SEC14L5: variants seen among roughly 807,000 people sequenced by gnomAD.
SEC14L5 encodes SEC14 like lipid binding 5, also known as SEC14-like protein 5.
A neutral mutation model predicts 84.6 loss-of-function variants in SEC14L5; 96 were observed. That is an observed-to-expected ratio of 1.13 (90% CI 0.96 to 1.34). The LOEUF (loss-of-function observed/expected upper bound fraction) is 1.34, where lower values mean the gene tolerates loss of function less well. Ranked by LOEUF, SEC14L5 falls within the 40% of genes most tolerant of loss-of-function variation. The probability of loss-of-function intolerance (pLI) is 0.00; values close to 1 mark genes in which losing one functional copy is unlikely to be tolerated. For synonymous variants in SEC14L5, 546 were observed against 383.4 expected, an observed-to-expected ratio of 1.42 and a Z score of -4.95; for missense variants, 1,224 against 942.5, an observed-to-expected ratio of 1.30 and a Z score of -3.91.
At position 5,018,314 on chromosome 16, in the gene SEC14L5, AAGT is replaced by A. The variant is rs1955896914; in HGVS notation, c.*3347_*3349del. 1 of 152,196 alleles carries A rather than the reference AAGT, an allele frequency of 6.6e-6. No individual in the cohort carries two copies. The highest frequency in any genetic ancestry group is 1.5e-5 in the Non-Finnish European group (1 of 68,044). 9.4% of individuals were successfully genotyped at this position (152,196 alleles called of 1,614,324 possible). On this transcript the variant is annotated 3_prime_UTR_variant, in exon 16 of 16. Transcript: ENST00000251170. ...GTTTTTCGTTATTGCACCCAGAGAA[AAGT>A]AGGTGTCAAGAATTATTGCCCTCTG...
In SEC14L5 at chr16:5,007,586, TTTTCTTTC is replaced by T. The variant is rs1203201367; in HGVS notation, c.1572+116_1572+123del. On this transcript the variant is annotated intron_variant, in intron 13 of 15. Coordinates refer to ENST00000251170, the MANE Select transcript of SEC14L5 (RefSeq NM_014692.2). ...AGCTTGAGATGAGGATTCTTTTTTC[TTTTCTTTC>T]TTTCTTTCTTTCTTTTTTTTTTTTT... The T allele has an allele frequency of 6.2e-5, 60 of 974,796 alleles. No homozygotes were observed. In the East Asian group the frequency reaches 1.3e-3, roughly 21 times the overall value. 60.4% of individuals were successfully genotyped at this position (974,796 alleles called of 1,614,324 possible). A position where few individuals can be genotyped will look rare whatever the true frequency, so the allele number is the denominator to read the frequency against.
chr16:5,001,019 T>A, intron 10 of SEC14L5, 94 bp downstream of exon 10: 1 of 974,616 alleles, frequency 1.0e-6, no homozygotes, highest in Non-Finnish European at 1.6e-6. Flanking sequence ...CTGGGCAGCG[T>A]GCCAGGGGCT....
chr16:5,012,670 CG>C (rs1300616830), intron 15 of SEC14L5, among the ~76,000 whole-genome samples: 6 of 152,142 alleles, frequency 3.9e-5, no homozygotes, highest in Non-Finnish European at 8.8e-5. Flanking sequence ...TTTGGGAAGC[CG>C]AGGTGGGTGG....
chr16:4,983,288 A>G (rs1050590815), intron 2 of SEC14L5, among the ~76,000 whole-genome samples: 2 of 151,994 alleles, frequency 1.3e-5, no homozygotes, highest in Non-Finnish European at 2.9e-5. Context: ...TGTTGGGATT[A>G]CAGGCATGAG....
chr16:4,995,145 G>A (rs545922070), intron 6 of SEC14L5, among the ~76,000 whole-genome samples: 18 of 152,276 alleles, frequency 1.2e-4, no homozygotes, highest in African/African-American at 2.9e-4. Flanking sequence ...GCTGCTGGCC[G>A]TTCATTCAGC....
chr16:4,996,832 C>G, intron 7 of SEC14L5, 23 bp from the exon 8 acceptor site: 1 of 1,593,758 alleles, frequency 6.3e-7, no homozygotes, highest in Non-Finnish European at 8.6e-7. Context: ...GTTCTGTGGG[C>G]TTTTTACTTC....
chr16:4,990,737 T>C, intron 4 of SEC14L5, 30 bp from the exon 5 acceptor site: 1 of 1,588,102 alleles, frequency 6.3e-7, no homozygotes, highest in Non-Finnish European at 8.6e-7. Context: ...CGACATTGAG[T>C]CCCTGGCATG....
chr16:5,007,139 G>C (rs1338054123), intron 12 of SEC14L5, among the ~76,000 whole-genome samples: 1 of 152,168 alleles, frequency 6.6e-6, no homozygotes, highest in African/African-American at 2.4e-5. Flanking sequence ...ACTTGCCCGA[G>C]CCTCCATTCC....
At chr16:5,006,735 C>T (rs1156466739) in intron 12 of SEC14L5, among the ~76,000 whole-genome samples, 1 of 152,228 alleles carries the variant, frequency 6.6e-6, no homozygotes, top group Admixed American at 6.5e-5. Flanking sequence ...ATGTGCGGCA[C>T]ACACGACTTA....
intron 11 of SEC14L5, among the ~76,000 whole-genome samples, chr16:5,005,185 G>A (rs1445866748): frequency 1.3e-5 from 2 of 152,124 alleles, no homozygotes; most frequent in African/African-American, 4.8e-5. Flanking sequence ...CATGGTGGTG[G>A]GAGCCTGTAA....
intron 11 of SEC14L5, among the ~76,000 whole-genome samples, chr16:5,004,389 G>A (rs946802217): frequency 2.6e-5 from 4 of 152,154 alleles, no homozygotes; most frequent in South Asian, 2.1e-4. Flanking sequence ...TTGGGAGTGC[G>A]AGCACATCAG....
chr16:4,969,801 G>C (rs1386681880), intron 2 of SEC14L5, among the ~76,000 whole-genome samples: 1 of 149,344 alleles, frequency 6.7e-6, no homozygotes, highest in African/African-American at 2.4e-5. Context: ...TGTCTGTCTT[G>C]TCTGGTTCTT....
Position 5,015,917 on chromosome 16 carries a change from C to G in SEC14L5, c.*947C>G, listed in dbSNP as rs533380330. 6.6e-6 allele frequency: 1 copy of G among 152,302 alleles called. No individual in the cohort carries two copies. Among genetic ancestry groups the G allele is most frequent in the Non-Finnish European group, 1.5e-5 (1 of 68,106 alleles). 9.4% of individuals were successfully genotyped at this position (152,302 alleles called of 1,614,324 possible). On this transcript the variant is annotated 3_prime_UTR_variant, in exon 16 of 16. Transcript: ENST00000251170. The stretch of plus-strand genomic sequence containing the variant: ...CCCTGGGTTTCTGCTAAGTTCCAGG[C>G]AGTGATGGGGTGACTGAGGCTGTCT...
At chr16:5,003,054 T>G (rs970664271) in intron 10 of SEC14L5, among the ~76,000 whole-genome samples, 5 of 152,248 alleles carry the variant, frequency 3.3e-5, no homozygotes, top group Non-Finnish European at 5.9e-5. Context: ...TGAGGGCATG[T>G]GGTGTGCCCG....
rs190607091 is a variant in SEC14L5, at chr16:5,005,560, C to T, written c.1303-354C>T. Among the ~76,000 whole-genome samples the T allele has an allele frequency of 2.6e-4, 38 of 147,796 alleles. No homozygotes were observed. The East Asian group carries it at 0.01, about 40-fold the overall frequency. On this transcript the variant is annotated intron_variant, in intron 11 of 15. Transcript: ENST00000251170. Reference sequence around the variant, plus strand: ...ATTCTATGTTGTATAAATTATATCTCAATAAAAAAATACATCCATGGTCAG... The same window carrying T: ...ATTCTATGTTGTATAAATTATATCTTAATAAAAAAATACATCCATGGTCAG...
At chr16:4,959,423 G>T (rs753248957) in intron 2 of SEC14L5, 37 bp downstream of exon 2, 2 of 1,572,674 alleles carry the variant, frequency 1.3e-6, no homozygotes, top group Middle Eastern at 1.7e-4. Flanking sequence ...CCATGTGACA[G>T]TTGGAGGGGC....
chr16:4,972,571 A>T (rs2908651), intron 2 of SEC14L5, among the ~76,000 whole-genome samples: 5 of 152,212 alleles, frequency 3.3e-5, no homozygotes, highest in African/African-American at 1.2e-4. Context: ...CCTCATAGAA[A>T]AGGAATCATA....
chr16:4,996,281 C>T lies in SEC14L5; in HGVS notation c.668-67C>T. ...GTGAGGCAGCCAGTAAGGAATGGCA[C>T]ACAGACCACATGGTAAAGAGACGCA... On this transcript the variant is annotated intron_variant, in intron 6 of 15. Transcript: ENST00000251170. 5.1e-6 allele frequency: 5 copies of T among 980,814 alleles called. No homozygotes were observed. In the South Asian group the frequency reaches 6.0e-5, roughly 12 times the overall value. The allele number at this position is 980,814 out of a possible 1,614,324, so 60.8% of individuals were successfully genotyped here.
In SEC14L5 at chr16:5,015,523, C is replaced by T. The variant is rs1240748553; in HGVS notation, c.*553C>T. On this transcript the variant is annotated 3_prime_UTR_variant, in exon 16 of 16. Transcript: ENST00000251170. ...ATTGGCCAGCAGGGTCATGCCCAAT[C>T]TGGACCAATCACCGTGATCCAGGGT... The T allele has an allele frequency of 6.5e-6, 1 of 154,622 alleles. No individual in the cohort carries two copies. The highest frequency in any genetic ancestry group is 1.9e-4 in the East Asian group (1 of 5,254). 9.6% of individuals were successfully genotyped at this position (154,622 alleles called of 1,614,324 possible).
Sources: gnomAD v4.1 joint callset for allele counts (sites outside exome capture counted in the v4.1 genomes callset) on GRCh38, gnomAD v4.1.1 for gene constraint, MANE v1.5 for transcripts, NCBI Gene and HGNC (gene_info 2026-07-23, HGNC 2026-07-21) for gene names.